The following PRDM16 variants were observed in gnomAD, a reference collection of about 807,000 sequenced individuals.
PRDM16 encodes the protein histone-lysine N-methyltransferase PRDM16.
PRDM16 carries 23 observed loss-of-function variants against 110.6 expected under a neutral mutation model. The observed-to-expected ratio is 0.21, with a 90% CI of 0.15 to 0.29. The LOEUF (loss-of-function observed/expected upper bound fraction) is 0.29, where lower values mean the gene tolerates loss of function less well. PRDM16 is among the 10% of genes least tolerant of loss of function. The pLI is 1.00. For synonymous variants in PRDM16, 799 were observed against 781.8 expected (o/e 1.02, Z -0.37); for missense variants, 1,615 against 1,794.3 (o/e 0.90, Z 1.81).
At position 3,433,672 on chromosome 1, in the gene PRDM16, G is replaced by A. The variant is rs757211426; in HGVS notation, c.3697-5G>A. 1.7e-5 allele frequency: 27 copies of A among 1,611,776 alleles called. No homozygotes were observed. The East Asian group carries it at 4.2e-4, about 25-fold the overall frequency. On this transcript the variant is annotated splice_region_variant and splice_polypyrimidine_tract_variant and intron_variant, in intron 16 of 16. Transcript: ENST00000270722. Reference sequence around the variant, plus strand: ...CCTGTGTGTGTGTCATCCCCTCCCCGCCAGGCATATGCAATGATGCTGTCC... The same window carrying A: ...CCTGTGTGTGTGTCATCCCCTCCCCACCAGGCATATGCAATGATGCTGTCC...
At chr1:3,267,420 C>G (rs189208041) in intron 3 of PRDM16, among the ~76,000 whole-genome samples, 1 of 152,194 alleles carries the variant, frequency 6.6e-6, no homozygotes, top group South Asian at 2.1e-4. Flanking sequence ...CGTCCCTGAC[C>G]GGAGGACGTG....
At chr1:3,424,414 T>G (rs1045053199) in intron 12 of PRDM16, among the ~76,000 whole-genome samples, 1 of 152,150 alleles carries the variant, frequency 6.6e-6, no homozygotes, top group South Asian at 2.1e-4. Context: ...CCTCGATCGC[T>G]CATTATGACG....
intron 2 of PRDM16, among the ~76,000 whole-genome samples, chr1:3,193,248 G>A (rs1017481070): frequency 4.6e-5 from 7 of 152,182 alleles, no homozygotes; most frequent in Admixed American, 1.3e-4. Flanking sequence ...CTTCCTGCCC[G>A]TCCCGCCTCC....
Position 3,201,147 on chromosome 1 carries a change from G to C in PRDM16, c.387+14673G>C, listed in dbSNP as rs781470820. The stretch of plus-strand genomic sequence containing the variant: ...GAGTTTTGGGAGCATAGACCACGCT[G>C]CCTTCTTTTGAGGAGGACAGGGATG... On this transcript the variant is annotated intron_variant, in intron 2 of 16. Coordinates refer to ENST00000270722, the MANE Select transcript of PRDM16 (RefSeq NM_022114.4). The surrounding 1 kb of genome is among the most constrained non-coding windows in gnomAD (Gnocchi z 4.1). Among the ~76,000 whole-genome samples, 2 of 152,150 alleles carry C rather than the reference G, an allele frequency of 1.3e-5. No homozygotes were observed. Among genetic ancestry groups the C allele is most frequent in the Non-Finnish European group, 2.9e-5 (2 of 68,030 alleles).
At chr1:3,364,031 G>A (rs114140517) in intron 3 of PRDM16, among the ~76,000 whole-genome samples, 3 of 151,664 alleles carry the variant, frequency 2.0e-5, no homozygotes, top group Non-Finnish European at 4.4e-5. Flanking sequence ...TTTTGTCTGC[G>A]GGGGGGAAGT....
At chr1:3,105,724 C>A (rs1329722402) in intron 1 of PRDM16, among the ~76,000 whole-genome samples, 1 of 152,250 alleles carries the variant, frequency 6.6e-6, no homozygotes, top group Non-Finnish European at 1.5e-5. Context: ...ACTCGGCCCA[C>A]AAGCAGCATG....
At chr1:3,297,974 C>G (rs1394553876) in intron 3 of PRDM16, among the ~76,000 whole-genome samples, 3 of 152,206 alleles carry the variant, frequency 2.0e-5, no homozygotes, top group Non-Finnish European at 4.4e-5. Context: ...CTGCAGGGGC[C>G]AGACTGCATG....
intron 3 of PRDM16, among the ~76,000 whole-genome samples, chr1:3,331,806 G>T (rs548259470): frequency 6.6e-6 from 1 of 152,158 alleles, no homozygotes; most frequent in African/African-American, 2.4e-5. Flanking sequence ...TAGGCTCCCC[G>T]CTCGGGTGGA....
chr1:3,407,514 CAG>C (rs1342774488), intron 8 of PRDM16, among the ~76,000 whole-genome samples: 3 of 152,308 alleles, frequency 2.0e-5, no homozygotes, highest in South Asian at 2.1e-4. Context: ...GGGCAGGAGT[CAG>C]GGGCTGGGGC....
rs1358653429 is a variant in PRDM16, at chr1:3,255,710, G to A, written c.438+11573G>A. Among the ~76,000 whole-genome samples the A allele has an allele frequency of 6.6e-6, 1 of 152,190 alleles. No individual in the cohort carries two copies. Among genetic ancestry groups the A allele is most frequent in the South Asian group, 2.1e-4 (1 of 4,834 alleles). On this transcript the variant is annotated intron_variant, in intron 3 of 16. Transcript: ENST00000270722. This position sits in a 1 kb window ranked among gnomAD's most constrained non-coding sequence, Gnocchi z 4.7. ...TCCTGACTGCCTGCCCCCCTTGGAT[G>A]CCAGAGCTATCTGGGAGTTGTGAAA... is the stretch of plus-strand genomic sequence containing the variant.
chr1:3,074,519 C>T (rs1310772617), intron 1 of PRDM16, among the ~76,000 whole-genome samples: 2 of 152,108 alleles, frequency 1.3e-5, no homozygotes, highest in African/African-American at 4.8e-5. Context: ...GCAGGCAGGA[C>T]ATCACGTGCG....
chr1:3,398,803 G>A (rs1569680418), intron 5 of PRDM16, among the ~76,000 whole-genome samples: 5 of 152,208 alleles, frequency 3.3e-5, no homozygotes, highest in South Asian at 2.1e-4. Flanking sequence ...CGCGGCCCAC[G>A]CACCCCTGCC....
intron 3 of PRDM16, among the ~76,000 whole-genome samples, chr1:3,326,633 C>G (rs1039907551): frequency 6.6e-6 from 1 of 152,170 alleles, no homozygotes; most frequent in Non-Finnish European, 1.5e-5. Context: ...TTCATGAGTG[C>G]ACCACCTCCC....
intron 16 of PRDM16, 140 bp from the exon 17 acceptor site, chr1:3,433,537 G>A (rs1569795573): frequency 8.2e-6 from 2 of 244,710 alleles, no homozygotes; most frequent in East Asian, 1.2e-4. Flanking sequence ...TGTCTGGGAT[G>A]GCCCGCCCTG....
At chr1:3,114,285 CAGTGGAA>C (rs1642882419) in intron 1 of PRDM16, among the ~76,000 whole-genome samples, 1 of 140,554 alleles carries the variant, frequency 7.1e-6, no homozygotes, top group Non-Finnish European at 1.5e-5. Flanking sequence ...CGCACACACG[CAGTGGAA>C]ACGCACACGC....
At chr1:3,194,252 G>A (rs1246314093) in intron 2 of PRDM16, among the ~76,000 whole-genome samples, 5 of 152,154 alleles carry the variant, frequency 3.3e-5, no homozygotes, top group African/African-American at 4.8e-5. Context: ...GCAGACAACC[G>A]GCTCATCTCA....
chr1:3,182,845 C>T (rs1048508893), intron 1 of PRDM16, among the ~76,000 whole-genome samples: 23 of 152,276 alleles, frequency 1.5e-4, no homozygotes, highest in South Asian at 2.1e-4. Flanking sequence ...AGGTGCTTCA[C>T]GGCAGAAAGG....
intron 1 of PRDM16, among the ~76,000 whole-genome samples, chr1:3,164,890 C>T (rs564398829): frequency 3.9e-5 from 6 of 152,256 alleles, no homozygotes; most frequent in African/African-American, 7.2e-5. Context: ...GGAAGGCCGT[C>T]GCCACCGTGG....
intron 3 of PRDM16, among the ~76,000 whole-genome samples, chr1:3,381,400 G>GTTT (rs58504087): frequency 5.9e-5 from 8 of 135,116 alleles, no homozygotes; most frequent in East Asian, 2.1e-4. Flanking sequence ...TTTTTTTCTG[G>GTTT]TTTTTTTTTT....
Sources: allele counts gnomAD v4.1 joint callset (sites outside exome capture counted in the v4.1 genomes callset), GRCh38; gene constraint gnomAD v4.1.1; non-coding constraint Gnocchi (gnomAD v3.1); transcripts MANE v1.5; gene names NCBI Gene and HGNC (gene_info 2026-07-23, HGNC 2026-07-21).